Variants in AEBP2 observed in about 807,000 individuals in gnomAD.
The protein encoded by AEBP2 is zinc finger protein AEBP2.
Under a neutral mutation model 50.8 loss-of-function variants are expected in AEBP2, and 10 were observed. That is an observed-to-expected ratio of 0.20 (90% confidence interval 0.12 to 0.33). The LOEUF is 0.33. AEBP2 is among the 10% of genes least tolerant of loss of function. The pLI, the probability that AEBP2 is intolerant of heterozygous loss-of-function variation, is 1.00. For missense variants in AEBP2, 570 were observed against 688.0 expected, an observed-to-expected ratio of 0.83 and a Z score of 1.92; for synonymous variants, 296 against 261.3, an observed-to-expected ratio of 1.13 and a Z score of -1.28.
intron 1 of AEBP2, among the ~76,000 whole-genome samples, chr12:19,453,264 C>T (rs990320259): frequency 5.3e-5 from 8 of 151,926 alleles, no homozygotes; most frequent in South Asian, 2.1e-4. Flanking sequence ...CCACCGTGCC[C>T]GGCCGACTTA....
At chr12:19,481,916 C>T (rs1447486495) in intron 3 of AEBP2, among the ~76,000 whole-genome samples, 1 of 152,210 alleles carries the variant, frequency 6.6e-6, no homozygotes, top group Non-Finnish European at 1.5e-5. Context: ...TTTCACCTTT[C>T]TCTGATATCT....
intron 1 of AEBP2, chr12:19,456,879 A>G: frequency 6.7e-7 from 1 of 1,488,298 alleles, no homozygotes; most frequent in Admixed American, 1.7e-5. Flanking sequence ...TTTTGTAGAC[A>G]TCCTGGAGAG....
At chr12:19,469,942 T>G (rs1948544981) in intron 2 of AEBP2, among the ~76,000 whole-genome samples, 1 of 152,192 alleles carries the variant, frequency 6.6e-6, no homozygotes, top group Non-Finnish European at 1.5e-5. Flanking sequence ...ATTGGAATCC[T>G]TTGGTATTTG....
intron 1 of AEBP2, chr12:19,456,371 CA>C: frequency 7.3e-7 from 1 of 1,377,084 alleles, no homozygotes. Flanking sequence ...CAGCGCGACC[CA>C]GAGGTGGGTA....
In AEBP2 at chr12:19,509,286, A is replaced by G. The variant is rs1445438489; in HGVS notation, c.1300-3112A>G. 9 of 240,644 alleles carry G rather than the reference A, an allele frequency of 3.7e-5. No homozygotes were observed. The Admixed American group carries it at 4.3e-4, about 12-fold the overall frequency. The allele number at this position is 240,644 out of a possible 1,614,324, so 14.9% of individuals were successfully genotyped here. A position where few individuals can be genotyped will look rare whatever the true frequency, so the allele number is the denominator to read the frequency against. Reference sequence around the variant, plus strand: ...CAACTTTTTTAAGTAATAAAAATGAAAAGACTTGAAAAAATTTCATCTACT... The same window carrying G: ...CAACTTTTTTAAGTAATAAAAATGAGAAGACTTGAAAAAATTTCATCTACT... On this transcript the variant is annotated intron_variant, in intron 5 of 7. Transcript: ENST00000266508.
chr12:19,443,083 T>C (rs1947991770), intron 1 of AEBP2, among the ~76,000 whole-genome samples: 1 of 143,128 alleles, frequency 7.0e-6, no homozygotes, highest in South Asian at 2.2e-4. Context: ...TTGTTGAACA[T>C]CTTTGTTAAA....
At chr12:19,497,038 A>G (rs1948993797) in intron 4 of AEBP2, among the ~76,000 whole-genome samples, 1 of 151,282 alleles carries the variant, frequency 6.6e-6, no homozygotes, top group Non-Finnish European at 1.5e-5. Flanking sequence ...TCTTTAAAAT[A>G]TATTTTTAAT....
rs1949386724 is a variant in AEBP2 at position 19,520,843 on chromosome 12, G to GT, written c.*2727dup. ...TGCTCCAAAGTTCAAAACTTTCTGA[G>GT]TGCTGACATCATGCTGCAAGTGGAA... On this transcript the variant is annotated 3_prime_UTR_variant, in exon 8 of 8. Transcript: ENST00000266508. 7 of 152,304 alleles carry GT rather than the reference G, an allele frequency of 4.6e-5. No homozygotes were observed. In the South Asian group the frequency reaches 1.4e-3, roughly 32 times the overall value. 9.4% of individuals were successfully genotyped at this position (152,304 alleles called of 1,614,324 possible). A position where few individuals can be genotyped will look rare whatever the true frequency, so the allele number is the denominator to read the frequency against.
intron 5 of AEBP2, among the ~76,000 whole-genome samples, chr12:19,511,361 A>G (rs1002566842): frequency 2.0e-5 from 3 of 152,152 alleles, no homozygotes; most frequent in Non-Finnish European, 4.4e-5. Flanking sequence ...CAGTATTTCT[A>G]TTATGTTCCA....
chr12:19,518,196 T>C lies in AEBP2; in HGVS notation c.*79T>C. ...CACTGACAATGGGTTTAGGGAAAGTTGCACATTAGAGTCAACCCCTTCTTT... is the reference window on the plus strand; with the variant it reads ...CACTGACAATGGGTTTAGGGAAAGTCGCACATTAGAGTCAACCCCTTCTTT... On this transcript the variant is annotated 3_prime_UTR_variant, in exon 8 of 8. Coordinates refer to ENST00000266508, the MANE Select transcript of AEBP2 (RefSeq NM_153207.5). 1.4e-6 allele frequency: 2 copies of C among 1,437,960 alleles called. No homozygotes were observed. The highest frequency in any genetic ancestry group is 1.6e-5 in the South Asian group (1 of 64,120). The allele number at this position is 1,437,960 out of a possible 1,614,324, so 89.1% of individuals were successfully genotyped here. A position where few individuals can be genotyped will look rare whatever the true frequency, so the allele number is the denominator to read the frequency against.
intron 5 of AEBP2, among the ~76,000 whole-genome samples, chr12:19,508,161 C>A (rs1271011141): frequency 6.6e-6 from 1 of 152,154 alleles, no homozygotes; most frequent in Non-Finnish European, 1.5e-5. Flanking sequence ...AATTTTGTTG[C>A]CAAGTCTAGA....
At chr12:19,443,199 C>T (rs558284180) in intron 1 of AEBP2, among the ~76,000 whole-genome samples, 202 of 151,552 alleles carry the variant, frequency 1.3e-3, no homozygotes, top group Non-Finnish European at 2.3e-3. Context: ...TGGGTTCAAG[C>T]GATTCTCCTT....
intron 1 of AEBP2, among the ~76,000 whole-genome samples, chr12:19,431,561 T>C (rs2095751452): frequency 6.6e-6 from 1 of 152,220 alleles, no homozygotes; most frequent in South Asian, 2.1e-4. Context: ...TGAGAACTAC[T>C]AATACTACAC....
At chr12:19,440,892 T>C (rs1475653370) in intron 1 of AEBP2, among the ~76,000 whole-genome samples, 1 of 152,264 alleles carries the variant, frequency 6.6e-6, no homozygotes, top group Non-Finnish European at 1.5e-5. Flanking sequence ...TGTTCTTTTA[T>C]ATTAAATCAT....
chr12:19,498,657 TAGTA>T (rs1443121532), intron 4 of AEBP2, among the ~76,000 whole-genome samples: 4 of 152,152 alleles, frequency 2.6e-5, no homozygotes, highest in Non-Finnish European at 5.9e-5. Context: ...TTACATGTAT[TAGTA>T]AGCTCCACAA....
At chr12:19,487,571 AG>A (rs1948829114) in intron 3 of AEBP2, among the ~76,000 whole-genome samples, 1 of 152,152 alleles carries the variant, frequency 6.6e-6, no homozygotes, top group South Asian at 2.1e-4. Context: ...TACAAAAATT[AG>A]CCAAGTGTGG....
chr12:19,521,753 C>T lies in AEBP2; in HGVS notation c.*3636C>T, dbSNP rs922434356. 1.3e-5 allele frequency: 2 copies of T among 151,920 alleles called. No homozygotes were observed. Among genetic ancestry groups the T allele is most frequent in the African/African-American group, 4.8e-5 (2 of 41,392 alleles). The allele number at this position is 151,920 out of a possible 1,614,324, so 9.4% of individuals were successfully genotyped here. On this transcript the variant is annotated 3_prime_UTR_variant, in exon 8 of 8. Transcript: ENST00000266508. ...TTTAAATATGGTAATACTCTTAAAA[C>T]GGTAGAATTTGCCACAGTTGTTTAA...
chr12:19,518,029 A>C, intron 7 of AEBP2, 58 bp from the exon 8 acceptor site: 4 of 1,471,084 alleles, frequency 2.7e-6, no homozygotes, highest in Non-Finnish European at 3.7e-6. Context: ...TGTCTCTTGA[A>C]GCACTCAAAT....
intron 2 of AEBP2, among the ~76,000 whole-genome samples, chr12:19,464,044 A>G (rs989636930): frequency 1.3e-5 from 2 of 152,222 alleles, no homozygotes; most frequent in African/African-American, 2.4e-5. Context: ...CTCAAACTTG[A>G]TAAGTATAGC....
Sources: allele counts gnomAD v4.1 joint callset (sites outside exome capture counted in the v4.1 genomes callset), GRCh38; gene constraint gnomAD v4.1.1; transcripts MANE v1.5; gene names NCBI Gene and HGNC (gene_info 2026-07-23, HGNC 2026-07-21).